The following FGF17 variants were observed in gnomAD, a reference collection of about 807,000 sequenced individuals.
FGF17 encodes fibroblast growth factor 17.
A neutral mutation model predicts 23.5 loss-of-function variants in FGF17; 5 were observed. The observed-to-expected ratio is 0.21, with a 90% confidence interval of 0.11 to 0.45. FGF17 has a LOEUF of 0.45. Ranked by LOEUF, FGF17 falls within the 20% of genes least tolerant of loss-of-function variation. The pLI, the probability that FGF17 is intolerant of heterozygous loss-of-function variation, is 0.99. For missense variants in FGF17, 221 were observed against 306.9 expected, an observed-to-expected ratio of 0.72 and a Z score of 2.09; for synonymous variants, 136 against 123.0, an observed-to-expected ratio of 1.11 and a Z score of -0.70.
intron 4 of FGF17, among the ~76,000 whole-genome samples, chr8:22,047,584 A>G (rs1251719440): frequency 6.6e-6 from 1 of 152,102 alleles, no homozygotes; most frequent in Non-Finnish European, 1.5e-5. Flanking sequence ...TTCTCATTGG[A>G]GGCTGCTGCC....
At chr8:22,046,716 T>A in intron 4 of FGF17, 83 bp downstream of exon 4, 1 of 888,190 alleles carries the variant, frequency 1.1e-6, no homozygotes. Context: ...CCCTCTCTCC[T>A]CTGAGCCACA....
chr8:22,045,177 C>T, intron 2 of FGF17: 1 of 985,526 alleles, frequency 1.0e-6, no homozygotes, highest in Non-Finnish European at 1.2e-6. Context: ...CTCCTCCTGG[C>T]TTTGCACAGT....
intron 2 of FGF17, among the ~76,000 whole-genome samples, chr8:22,044,149 C>T (rs1487140055): frequency 6.6e-6 from 1 of 152,060 alleles, no homozygotes; most frequent in African/African-American, 2.4e-5. Context: ...TGGGCCCAAC[C>T]TGTTCTGGAG....
upstream of FGF17, among the ~76,000 whole-genome samples, chr8:22,040,963 G>T (rs1267590036): frequency 6.6e-6 from 1 of 152,202 alleles, no homozygotes; most frequent in Non-Finnish European, 1.5e-5. Flanking sequence ...TCCGCAGGGG[G>T]AAAGCAGAGA....
chr8:22,043,271 A>G (rs1180997783), intron 2 of FGF17, 90 bp downstream of exon 2: 2 of 1,320,894 alleles, frequency 1.5e-6, no homozygotes, highest in African/African-American at 1.4e-5. Context: ...TCAGGTGGAC[A>G]GAGGCAGAGT....
At chr8:22,045,302 G>C (rs1208051000) in intron 2 of FGF17, 11 of 986,088 alleles carry the variant, frequency 1.1e-5, no homozygotes, top group Non-Finnish European at 1.3e-5. Flanking sequence ...CTGCCTGCCA[G>C]GGGCAGCCAT....
chr8:22,042,602 C>T (rs1029510113), upstream of FGF17: 1 of 551,942 alleles, frequency 1.8e-6, no homozygotes. Context: ...AGAAGGCCCC[C>T]ACCGCTCCAT....
chr8:22,047,945 T>C lies in FGF17; in HGVS notation c.358-11T>C. The C allele has an allele frequency of 1.3e-6, 2 of 1,595,298 alleles. No homozygotes were observed. Among genetic ancestry groups the C allele is most frequent in the Non-Finnish European group, 1.7e-6 (2 of 1,165,200 alleles). ...GGACAAATGCCCTTCCTGTCCTTGC[T>C]TCTCCCGCAGCCCAGCGGGAAGAGC... On this transcript the variant is annotated splice_polypyrimidine_tract_variant and intron_variant, in intron 4 of 4. Transcript: ENST00000359441.
chr8:22,048,571 A>G lies in FGF17; in HGVS notation c.*322A>G. 2 of 379,850 alleles carry G rather than the reference A, an allele frequency of 5.3e-6. No individual in the cohort carries two copies. Among genetic ancestry groups the G allele is most frequent in the Non-Finnish European group, 9.5e-6 (2 of 210,406 alleles). The allele number at this position is 379,850 out of a possible 1,614,324, so 23.5% of individuals were successfully genotyped here. ...GTCAGCGACTGAAGGCCTTGCAGAC[A>G]ACCGTCTGGAGGTGGCTGTCCTCAA... On this transcript the variant is annotated 3_prime_UTR_variant, in exon 5 of 5. Coordinates refer to ENST00000359441, the MANE Select transcript of FGF17 (RefSeq NM_003867.4). The surrounding 1 kb of genome is among the most constrained non-coding windows in gnomAD (Gnocchi z 6.9).
chr8:22,045,444 G>A lies in FGF17; in HGVS notation c.73-670G>A, dbSNP rs3176288. 9.7e-3 allele frequency: 9,581 copies of A among 990,342 alleles called. 113 individuals are homozygous for A. The highest frequency in any genetic ancestry group is 0.048 in the African/African-American group (2,753 of 57,410). 61.3% of individuals were successfully genotyped at this position (990,342 alleles called of 1,614,324 possible). ...GCCCCAGCTCCAGCCCATAGAGGAG[G>A]GAGGAACACTGGAAGGGCCCTGAGC... On this transcript the variant is annotated intron_variant, in intron 2 of 4. Coordinates refer to ENST00000359441, the MANE Select transcript of FGF17 (RefSeq NM_003867.4).
upstream of FGF17, among the ~76,000 whole-genome samples, chr8:22,041,252 G>A (rs1843086): frequency 0.36 from 55,252 of 152,052 alleles, 10,391 homozygotes; most frequent in East Asian, 0.57. Flanking sequence ...AAGAGCCTGC[G>A]GAGAGGAGAC....
chr8:22,045,112 T>C, intron 2 of FGF17: 1 of 985,438 alleles, frequency 1.0e-6, no homozygotes. Flanking sequence ...AAGTACTCAG[T>C]CTCTCCCACT....
At chr8:22,046,889 T>G (rs1800882043) in intron 4 of FGF17, among the ~76,000 whole-genome samples, 1 of 151,492 alleles carries the variant, frequency 6.6e-6, no homozygotes, top group Non-Finnish European at 1.5e-5. Flanking sequence ...CAAGCAATCC[T>G]CTCGCCTCAG....
At chr8:22,041,130 T>C (rs1347635299), upstream of FGF17, among the ~76,000 whole-genome samples, 1 of 152,176 alleles carries the variant, frequency 6.6e-6, no homozygotes, top group Non-Finnish European at 1.5e-5. Context: ...TTTGACATTC[T>C]TTGAGTTGCA....
intron 2 of FGF17, among the ~76,000 whole-genome samples, chr8:22,043,752 G>GC (rs1800788921): frequency 7.1e-6 from 1 of 140,730 alleles, no homozygotes; most frequent in Non-Finnish European, 1.6e-5. Context: ...CCCCAAGTCG[G>GC]CCCCCCACCT....
rs367738038 is a variant in FGF17, at chr8:22,047,539, A to G, written c.358-417A>G. Among the ~76,000 whole-genome samples, 10 of 152,328 alleles carry G rather than the reference A, an allele frequency of 6.6e-5. No individual in the cohort carries two copies. The East Asian group carries it at 1.7e-3, about 26-fold the overall frequency. On this transcript the variant is annotated intron_variant, in intron 4 of 4. Coordinates refer to ENST00000359441, the MANE Select transcript of FGF17 (RefSeq NM_003867.4). ...GGCACAGACCCCTGATTGCAGACAG[A>G]GTGGGATGGGTGGCTGCACTGGCAC...
At chr8:22,042,780 C>T (rs1800760127), upstream of FGF17, 2 of 692,788 alleles carry the variant, frequency 2.9e-6, no homozygotes, top group South Asian at 1.7e-5. Context: ...TTTCTCTCCT[C>T]CTCCTCCCCT....
At chr8:22,047,830 T>C in intron 4 of FGF17, 126 bp from the exon 5 acceptor site, 3 of 873,414 alleles carry the variant, frequency 3.4e-6, no homozygotes, top group Non-Finnish European at 5.2e-6. Context: ...CCAGGCAGAG[T>C]TCCCTGGGCT....
rs1432970850 is a variant in FGF17 at position 22,045,252 on chromosome 8, C to T, written c.73-862C>T. The T allele has an allele frequency of 5.1e-6, 5 of 985,544 alleles. No individual in the cohort carries two copies. In the African/African-American group the frequency reaches 8.7e-5, roughly 17 times the overall value. 61.0% of individuals were successfully genotyped at this position (985,544 alleles called of 1,614,324 possible). On this transcript the variant is annotated intron_variant, in intron 2 of 4. Coordinates refer to ENST00000359441, the MANE Select transcript of FGF17 (RefSeq NM_003867.4). Reference sequence around the variant, plus strand: ...GAAGCAGGTGGGCGGGCGCATCCCACCAACTGGCCAGGAGCCTCTGTTACA... The same window carrying T: ...GAAGCAGGTGGGCGGGCGCATCCCATCAACTGGCCAGGAGCCTCTGTTACA...
Sources: gnomAD v4.1 joint callset for allele counts (sites outside exome capture counted in the v4.1 genomes callset) on GRCh38, gnomAD v4.1.1 for gene constraint, Gnocchi (gnomAD v3.1) non-coding constraint, MANE v1.5 for transcripts, NCBI Gene and HGNC (gene_info 2026-07-23, HGNC 2026-07-21) for gene names.